The following MAPK8IP3 variants were observed in gnomAD, a reference collection of about 807,000 sequenced individuals.
MAPK8IP3 encodes the protein C-Jun-amino-terminal kinase-interacting protein 3.
A neutral mutation model predicts 157.8 loss-of-function variants in MAPK8IP3; 49 were observed. The ratio of observed to expected loss-of-function variants is 0.31; its 90% CI spans 0.25 to 0.39. MAPK8IP3 has a LOEUF of 0.39. Among genes scored for constraint, MAPK8IP3 ranks in the 10% least tolerant of loss-of-function variants. The pLI is 1.00. For synonymous variants in MAPK8IP3, 897 were observed against 777.7 expected (o/e 1.15, Z -2.55); for missense variants, 1,478 against 1,889.4 (o/e 0.78, Z 4.04).
At chr16:1,736,070 CCATCCGTGTGAGA>C (rs2039755580) in intron 4 of MAPK8IP3, among the ~76,000 whole-genome samples, 1 of 83,610 alleles carries the variant, frequency 1.2e-5, no homozygotes. Context: ...GTGTGTGTGA[CCATCCGTGTGAGA>C]GTGTGACCGT....
At position 1,747,291 on chromosome 16, in the gene MAPK8IP3, C is replaced by T. The variant is rs371334545; in HGVS notation, c.994+16C>T. The T allele has an allele frequency of 7.5e-5, 120 of 1,607,744 alleles. 1 individual carries two copies. Among genetic ancestry groups the T allele is most frequent in the African/African-American group, 1.2e-4 (9 of 74,840 alleles). ...GTCAGTATAGGTGGGTGCCCACCTC[C>T]GGGACTCTGGGCTCCCTCGGGCAGG... On this transcript the variant is annotated intron_variant, in intron 6 of 31. Transcript: ENST00000610761.
In MAPK8IP3 at chr16:1,764,417, C is replaced by T. The variant is rs780906000; in HGVS notation, c.2238C>T (p.Asp746=). The T allele has an allele frequency of 1.3e-5, 21 of 1,605,926 alleles. No homozygotes were observed. In the East Asian group the frequency reaches 1.3e-4, roughly 10 times the overall value. Residue 746 remains aspartate (D), a synonymous_variant, in exon 19 of 32, where the codon GAC becomes GAT. Transcript: ENST00000610761. ...CCCTGACCTGCGACCGCGAAGGAGA[C>T]GGCGAGCCCAAGAGCGCCCACACGT... ...RDPLTCDREG[D]GEPKSAHTSP...
chr16:1,736,614 CCGTCCGTGTGAG>C lies in MAPK8IP3; in HGVS notation c.603-6702_603-6691del, dbSNP rs1315598479. Among the ~76,000 whole-genome samples, 4 of 46,100 alleles carry C rather than the reference CCGTCCGTGTGAG, an allele frequency of 8.7e-5. No homozygotes were observed. In the Admixed American group the frequency reaches 1.3e-3, roughly 15 times the overall value. 30.2% of individuals were successfully genotyped at this position (46,100 alleles called of 152,430 possible). A position where few individuals can be genotyped will look rare whatever the true frequency, so the allele number is the denominator to read the frequency against. ...ACCATCCATGTGAGCATCCGTGTGACCGTCCGTGTGAGCGTCCGTGTGAGCGTGTGACCGTCC... is the reference window on the plus strand; with the variant it reads ...ACCATCCATGTGAGCATCCGTGTGACCGTCCGTGTGAGCGTGTGACCGTCC... On this transcript the variant is annotated intron_variant, in intron 4 of 31. Coordinates refer to ENST00000610761, the MANE Select transcript of MAPK8IP3 (RefSeq NM_001318852.2).
rs755374935 is a variant in MAPK8IP3, at chr16:1,767,695, A to G, written c.3369A>G (p.Leu1123=). ...RLYHAHTHQH[L]QDVDIEPYVS... ...ACCATGCACACACGCACCAGCATCT[A>G]CAGGACGTGGACATTGAGCCCTACG... The change falls in exon 27 of 32, where the codon CTA becomes CTG. Residue 1123 remains leucine (L), a synonymous_variant. Coordinates refer to ENST00000610761, the MANE Select transcript of MAPK8IP3 (RefSeq NM_001318852.2). 1.2e-5 allele frequency: 20 copies of G among 1,612,672 alleles called. No homozygotes were observed. In the African/African-American group the frequency reaches 2.7e-4, roughly 22 times the overall value.
chr16:1,769,047 G>A lies in MAPK8IP3; in HGVS notation c.*223G>A, dbSNP rs190520083. 210 of 591,198 alleles carry A rather than the reference G, an allele frequency of 3.6e-4. 1 individual carries two copies. The highest frequency in any genetic ancestry group is 9.9e-4 in the South Asian group (50 of 50,300). The allele number at this position is 591,198 out of a possible 1,614,324, so 36.6% of individuals were successfully genotyped here. ...TTCCACCCGAGGGGAAGATGCTCTC[G>A]GGACAGTTTCCCGGGCAGCTCCTGG... On this transcript the variant is annotated 3_prime_UTR_variant, in exon 32 of 32. Transcript: ENST00000610761.
rs372255008 is a variant in MAPK8IP3 at position 1,766,726 on chromosome 16, C to G, written c.2943C>G (p.Leu981=). Reference sequence around the variant, plus strand: ...CCATCGCCGCTTCCTTCCCTAGGCTCTATGTGCACTCGGCTGTGGCCAACT... The same window carrying G: ...CCATCGCCGCTTCCTTCCCTAGGCTGTATGTGCACTCGGCTGTGGCCAACT... The part of the protein sequence containing the change: ...TMWLGAQNGW[L]YVHSAVANWK... Residue 981 remains leucine (L), a synonymous_variant, in exon 24 of 32, where the codon CTC becomes CTG. Coordinates refer to ENST00000610761, the MANE Select transcript of MAPK8IP3 (RefSeq NM_001318852.2). 1.1e-4 allele frequency: 185 copies of G among 1,612,712 alleles called. No individual in the cohort carries two copies. Among genetic ancestry groups the G allele is most frequent in the Non-Finnish European group, 1.5e-4 (176 of 1,179,954 alleles).
At chr16:1,730,044 CAAAAAAAAAAAAAAA>C (rs58933347) in intron 4 of MAPK8IP3, among the ~76,000 whole-genome samples, 21 of 46,984 alleles carry the variant, frequency 4.5e-4, no homozygotes, top group African/African-American at 1.2e-3. Context: ...CTTGTCTCTA[CAAAAAAAAAAAAAAA>C]AAAAAAAAAA....
intron 1 of MAPK8IP3, among the ~76,000 whole-genome samples, chr16:1,723,347 C>T (rs541264947): frequency 3.3e-5 from 5 of 151,940 alleles, no homozygotes; most frequent in African/African-American, 1.2e-4. Flanking sequence ...GCAGAGGTTG[C>T]AGTGTATTTT....
intron 21 of MAPK8IP3, 38 bp downstream of exon 21, chr16:1,766,180 C>T (rs1332931333): frequency 1.2e-6 from 2 of 1,601,818 alleles, no homozygotes; most frequent in Admixed American, 1.7e-5. Context: ...CCCTCATTCC[C>T]ACGTTTCTGC....
chr16:1,706,310 C>A lies in MAPK8IP3; in HGVS notation c.-30C>A, dbSNP rs1258906415. The A allele has an allele frequency of 4.6e-6, 7 of 1,518,502 alleles. No individual in the cohort carries two copies. Among genetic ancestry groups the A allele is most frequent in the Non-Finnish European group, 4.4e-6 (5 of 1,133,416 alleles). 94.1% of individuals were successfully genotyped at this position (1,518,502 alleles called of 1,614,324 possible). ...AGGGCCGGGCGCGCCGGCCGGATAG[C>A]GAGCCGCGCTGGCGGCGGCGGTGGC... is the stretch of plus-strand genomic sequence containing the variant. On this transcript the variant is annotated 5_prime_UTR_variant, in exon 1 of 32. Transcript: ENST00000610761. This position sits in a 1 kb window ranked among gnomAD's most constrained non-coding sequence, Gnocchi z 5.1.
chr16:1,756,623 AACACACACAC>A (rs60461442), intron 8 of MAPK8IP3, among the ~76,000 whole-genome samples: 3,874 of 135,674 alleles, frequency 0.029, 117 homozygotes, highest in African/African-American at 0.072. Context: ...TTTTTACTAA[AACACACACAC>A]ACACACACAC....
chr16:1,743,323 C>T lies in MAPK8IP3; in HGVS notation c.603-9C>T, dbSNP rs369248133. ...CCATCGCTTCCTCTCCTCTCGCCCC[C>T]CATTTCAGCAGGAAGGAGCGCCCCA... On this transcript the variant is annotated splice_polypyrimidine_tract_variant and intron_variant, in intron 4 of 31. Coordinates refer to ENST00000610761, the MANE Select transcript of MAPK8IP3 (RefSeq NM_001318852.2). This position sits in a 1 kb window ranked among gnomAD's most constrained non-coding sequence, Gnocchi z 5.6. 6.5e-7 allele frequency: 1 copy of T among 1,546,996 alleles called. No homozygotes were observed. Among genetic ancestry groups the T allele is most frequent in the Non-Finnish European group, 8.7e-7 (1 of 1,154,234 alleles).
Position 1,763,784 on chromosome 16 carries a change from GTGCGGGCGGGCGC to G in MAPK8IP3, c.2025+8_2025+20del, listed in dbSNP as rs759983856. ...GAGCCTGCCCGCCAAGTACAAGCAG[GTGCGGGCGGGCGC>G]TGCGGGGACCGGGCGGGGCCCCGCA... On this transcript the variant is annotated splice_donor_variant and splice_donor_5th_base_variant and intron_variant, in intron 17 of 31. Transcript: ENST00000610761. LOFTEE classifies it high-confidence loss of function. 27 of 1,550,494 alleles carry G rather than the reference GTGCGGGCGGGCGC, an allele frequency of 1.7e-5. No homozygotes were observed. The African/African-American group carries it at 3.0e-4, about 17-fold the overall frequency.
intron 20 of MAPK8IP3, among the ~76,000 whole-genome samples, chr16:1,765,486 T>G (rs2974847): frequency 0.077 from 11,752 of 152,212 alleles, 519 homozygotes; most frequent in African/African-American, 0.11. Context: ...GGAAAACATT[T>G]CCTCATGCTG....
At chr16:1,761,921 A>G (rs898884002) in intron 13 of MAPK8IP3, among the ~76,000 whole-genome samples, 2 of 152,242 alleles carry the variant, frequency 1.3e-5, no homozygotes, top group African/African-American at 2.4e-5. Flanking sequence ...CTGTCTCTGT[A>G]CAGAATCAGT....
intron 1 of MAPK8IP3, chr16:1,713,457 C>T (rs957346525): frequency 6.6e-6 from 1 of 152,210 alleles, no homozygotes; most frequent in Non-Finnish European, 1.5e-5. Flanking sequence ...GGCAGTCTAG[C>T]TGAGCTGCCT....
At position 1,763,774 on chromosome 16, in the gene MAPK8IP3, G is replaced by A. The variant is rs939989165; in HGVS notation, c.2016G>A (p.Lys672=). The change falls in exon 17 of 32, where the codon AAG becomes AAA. Residue 672 remains lysine, a synonymous_variant. Coordinates refer to ENST00000610761, the MANE Select transcript of MAPK8IP3 (RefSeq NM_001318852.2). ...LQACGWSLPA[K]YKQLSPNGGQ... The stretch of plus-strand genomic sequence containing the variant: ...CCTGCGGCTGGAGCCTGCCCGCCAA[G>A]TACAAGCAGGTGCGGGCGGGCGCTG... 2 of 1,557,236 alleles carry A rather than the reference G, an allele frequency of 1.3e-6. No homozygotes were observed. The highest frequency in any genetic ancestry group is 1.7e-6 in the Non-Finnish European group (2 of 1,148,108).
chr16:1,708,548 A>G (rs1428359948), intron 1 of MAPK8IP3, among the ~76,000 whole-genome samples: 1 of 152,266 alleles, frequency 6.6e-6, no homozygotes, highest in East Asian at 1.9e-4. Flanking sequence ...TGAGCTGTGC[A>G]CAGGATAGGC....
At chr16:1,739,046 CCGTGTGAG>C (rs1344950809) in intron 4 of MAPK8IP3, among the ~76,000 whole-genome samples, 55 of 123,822 alleles carry the variant, frequency 4.4e-4, no homozygotes, top group Admixed American at 2.5e-3. Flanking sequence ...GTGTGAGCGT[CCGTGTGAG>C]CGTGTGAGCG....
Sources: gnomAD v4.1 joint callset for allele counts (sites outside exome capture counted in the v4.1 genomes callset) on GRCh38, gnomAD v4.1.1 for gene constraint, Gnocchi (gnomAD v3.1) non-coding constraint, MANE v1.5 for transcripts, NCBI Gene and HGNC (gene_info 2026-07-23, HGNC 2026-07-21) for gene names.